Variants in ATP10B observed in about 807,000 individuals in gnomAD.
The protein encoded by ATP10B is ATPase phospholipid transporting 10B (putative), also known as phospholipid-transporting ATPase VB.
ATP10B carries 122 observed loss-of-function variants against 141.2 expected under a neutral mutation model. The observed-to-expected ratio is 0.86, with a 90% confidence interval of 0.75 to 1.00. The LOEUF (loss-of-function observed/expected upper bound fraction) is 1.00, where lower values mean the gene tolerates loss of function less well. Ranked by LOEUF, ATP10B falls within the 50% of genes least tolerant of loss-of-function variation. The pLI, the probability that ATP10B is intolerant of heterozygous loss-of-function variation, is 0.00. For synonymous variants in ATP10B, 685 were observed against 692.0 expected (o/e 0.99, Z 0.16); for missense variants, 1,876 against 1,825.3 (o/e 1.03, Z -0.51).
intron 24 of ATP10B, among the ~76,000 whole-genome samples, chr5:160,576,045 C>T (rs1237776685): frequency 6.6e-6 from 1 of 152,210 alleles, no homozygotes; most frequent in Non-Finnish European, 1.5e-5. Context: ...AAAGACTGCT[C>T]CTGCTTTCCA....
chr5:160,824,810 G>C (rs1774451579), intron 1 of ATP10B, among the ~76,000 whole-genome samples: 1 of 152,070 alleles, frequency 6.6e-6, no homozygotes, highest in Non-Finnish European at 1.5e-5. Flanking sequence ...GCATGACTGT[G>C]TAAAGGTTTT....
At chr5:160,909,361 C>G in the ATP10B span, among the ~76,000 whole-genome samples, 2 of 152,176 alleles carry the variant, frequency 1.3e-5, no homozygotes, top group Non-Finnish European at 2.9e-5. Flanking sequence ...TACACAGATA[C>G]TGTGGCTAGA....
chr5:160,680,010 T>C (rs1419949249), intron 6 of ATP10B, among the ~76,000 whole-genome samples: 4 of 152,240 alleles, frequency 2.6e-5, no homozygotes, highest in African/African-American at 9.6e-5. Flanking sequence ...GGGTCACCTT[T>C]AGACCACAAA....
At chr5:160,851,405 A>C (rs1753806841) in intron 1 of ATP10B, among the ~76,000 whole-genome samples, 1 of 152,104 alleles carries the variant, frequency 6.6e-6, no homozygotes, top group Admixed American at 6.6e-5. Flanking sequence ...ACTCATACTT[A>C]GGGAAAAAAC....
rs1411507009 is a variant in ATP10B at position 160,715,320 on chromosome 5, C to T, written c.-205+1589G>A. Among the ~76,000 whole-genome samples the T allele has an allele frequency of 8.3e-5, 11 of 132,210 alleles. No homozygotes were observed. The East Asian group carries it at 8.6e-4, about 10-fold the overall frequency. The allele number at this position is 132,210 out of a possible 152,430, so 86.7% of individuals were successfully genotyped here. ...AGGTGTGGGATATAGTCTCGTGGTG[C>T]GCCGTTTCTTAAGCCGGTCTGAAAA... On this transcript the variant is annotated intron_variant, in intron 3 of 25. Transcript: ENST00000327245.
the ATP10B span, among the ~76,000 whole-genome samples, chr5:160,893,360 G>A: frequency 6.6e-6 from 1 of 152,162 alleles, no homozygotes; most frequent in Admixed American, 6.5e-5. Context: ...GCTTGGTGGG[G>A]GGAGGGGTGT....
the ATP10B span, among the ~76,000 whole-genome samples, chr5:160,878,520 A>C: frequency 1.8e-3 from 277 of 152,276 alleles, no homozygotes; most frequent in African/African-American, 6.4e-3. Context: ...GCAACAGAAG[A>C]CAAAATTGAC....
Position 160,670,793 on chromosome 5 carries a change from G to T in ATP10B, c.471-126C>A. The T allele has an allele frequency of 3.9e-6, 3 of 778,240 alleles. No homozygotes were observed. In the South Asian group the frequency reaches 5.1e-5, roughly 13 times the overall value. The allele number at this position is 778,240 out of a possible 1,614,324, so 48.2% of individuals were successfully genotyped here. A position where few individuals can be genotyped will look rare whatever the true frequency, so the allele number is the denominator to read the frequency against. ...AGTCAGCCTGTCATGAGATTGCCTT[G>T]TATTCTACCTTACCCCTGAATGACC... On this transcript the variant is annotated intron_variant, in intron 6 of 25. Transcript: ENST00000327245.
the ATP10B span, among the ~76,000 whole-genome samples, chr5:160,914,366 A>G: frequency 6.6e-6 from 1 of 152,284 alleles, no homozygotes; most frequent in Admixed American, 6.5e-5. Context: ...TCCATGTGAG[A>G]TTAGTTCTAG....
chr5:160,688,435 C>T (rs549474075), intron 4 of ATP10B, among the ~76,000 whole-genome samples: 2 of 152,216 alleles, frequency 1.3e-5, no homozygotes, highest in African/African-American at 2.4e-5. Context: ...GTGGGTGGGA[C>T]GTGCTTTTGG....
In ATP10B at chr5:160,620,801, G is replaced by A. The variant is rs756604888; in HGVS notation, c.1962C>T (p.Asn654=). The change falls in exon 15 of 26, where the codon AAC becomes AAT. Residue 654 remains asparagine (N), a synonymous_variant. Coordinates refer to ENST00000327245, the MANE Select transcript of ATP10B (RefSeq NM_025153.3). ...TCTCATCCGAGTCTGTGGTGGCCAC[G>A]TTGGCCCCTAAGCTCTCCCCGAGGT... ...DTDLGESLGA[N]VATTDSDERD... 16 of 1,614,078 alleles carry A rather than the reference G, an allele frequency of 9.9e-6. No homozygotes were observed. The highest frequency in any genetic ancestry group is 3.3e-5 in the Admixed American group (2 of 60,008).
At chr5:160,848,974 A>G (rs182621267) in intron 1 of ATP10B, among the ~76,000 whole-genome samples, 1 of 152,316 alleles carries the variant, frequency 6.6e-6, no homozygotes, top group Non-Finnish European at 1.5e-5. Context: ...ACTCCATCAG[A>G]ATCACCTGAA....
At chr5:160,730,786 C>G (rs1043169570) in intron 2 of ATP10B, among the ~76,000 whole-genome samples, 1 of 152,082 alleles carries the variant, frequency 6.6e-6, no homozygotes, top group African/African-American at 2.4e-5. Context: ...ATATATGACC[C>G]GCCCCTGTGG....
At chr5:160,877,297 C>G in the ATP10B span, among the ~76,000 whole-genome samples, 1 of 145,204 alleles carries the variant, frequency 6.9e-6, no homozygotes, top group Admixed American at 6.9e-5. Flanking sequence ...ATGATTATCT[C>G]AATAGATGCA....
chr5:160,886,720 A>C, the ATP10B span, among the ~76,000 whole-genome samples: 1 of 152,176 alleles, frequency 6.6e-6, no homozygotes. Context: ...TCATGAATGC[A>C]CAATGCAAAA....
intron 1 of ATP10B, among the ~76,000 whole-genome samples, chr5:160,815,386 A>C (rs181921757): frequency 2.0e-5 from 3 of 152,318 alleles, no homozygotes; most frequent in Admixed American, 6.5e-5. Flanking sequence ...TCAAAAGAGA[A>C]AAAGAAGCCC....
chr5:160,582,914 T>G (rs999031503), intron 24 of ATP10B, among the ~76,000 whole-genome samples: 1 of 152,204 alleles, frequency 6.6e-6, no homozygotes, highest in Non-Finnish European at 1.5e-5. Flanking sequence ...CCATACTGTG[T>G]TTGTCAGCTC....
chr5:160,790,189 T>C (rs928400592), intron 1 of ATP10B, among the ~76,000 whole-genome samples: 1 of 152,164 alleles, frequency 6.6e-6, no homozygotes, highest in African/African-American at 2.4e-5. Context: ...AGGACATTTG[T>C]TTTATCTTTT....
intron 7 of ATP10B, among the ~76,000 whole-genome samples, chr5:160,665,701 G>C (rs1034178536): frequency 2.0e-5 from 3 of 152,210 alleles, no homozygotes; most frequent in Non-Finnish European, 2.9e-5. Context: ...ATCTATGTGA[G>C]CTGGGACAAA....
Sources: gnomAD v4.1 joint callset for allele counts (sites outside exome capture counted in the v4.1 genomes callset) on GRCh38, gnomAD v4.1.1 for gene constraint, MANE v1.5 for transcripts, NCBI Gene and HGNC (gene_info 2026-07-23, HGNC 2026-07-21) for gene names.